ESR2: variants seen among roughly 807,000 people sequenced by gnomAD.
ESR2 encodes estrogen receptor beta.
ESR2 carries 36 observed loss-of-function variants against 49.6 expected under a neutral mutation model. The observed-to-expected ratio is 0.73, with a 90% CI of 0.56 to 0.96. The LOEUF is 0.96. Ranked by LOEUF, ESR2 falls within the 40% of genes least tolerant of loss-of-function variation. ESR2 has a pLI of 0.00. For synonymous variants in ESR2, 320 were observed against 266.1 expected (o/e 1.20, Z -1.97); for missense variants, 714 against 693.0 (o/e 1.03, Z -0.34).
At chr14:64,304,661 G>C (rs1463567902) in intron 1 of ESR2, among the ~76,000 whole-genome samples, 1 of 152,110 alleles carries the variant, frequency 6.6e-6, no homozygotes, top group Non-Finnish European at 1.5e-5. Context: ...TTGAAGTCAG[G>C]AGTTTGAGAT....
At chr14:64,292,939 T>C (rs1002174229) in intron 1 of ESR2, among the ~76,000 whole-genome samples, 3 of 152,188 alleles carry the variant, frequency 2.0e-5, no homozygotes, top group Non-Finnish European at 4.4e-5. Context: ...TTCTATGTCT[T>C]GAGCAAGACT....
At position 64,260,289 on chromosome 14, in the gene ESR2, AG is replaced by A. The variant is rs1356233205; in HGVS notation, c.952+159del. On this transcript the variant is annotated intron_variant, in intron 5 of 8. Transcript: ENST00000341099. The stretch of plus-strand genomic sequence containing the variant: ...TTGAAGGTAGGTATGCCAAGACAGA[AG>A]GAAGGAACATATTGCACTTAAAAGT... 3 of 811,068 alleles carry A rather than the reference AG, an allele frequency of 3.7e-6. No individual in the cohort carries two copies. In the East Asian group the frequency reaches 7.3e-5, roughly 20 times the overall value. 50.2% of individuals were successfully genotyped at this position (811,068 alleles called of 1,614,324 possible). A position where few individuals can be genotyped will look rare whatever the true frequency, so the allele number is the denominator to read the frequency against.
At position 64,282,842 on chromosome 14, in the gene ESR2, G is replaced by C. The variant is rs745470989; in HGVS notation, c.144C>G (p.Phe48Leu). The change falls in exon 2 of 9, where the codon TTC (phenylalanine) becomes TTG (leucine). Residue 48 changes from phenylalanine (F) to leucine (L), a missense_variant. Physicochemically the swap from Phe to Leu is conservative, Grantham distance 22 (BLOSUM62 0). Coordinates refer to ENST00000341099, the MANE Select transcript of ESR2 (RefSeq NM_001437.3). ...TGTAATTCATCACAGCAGGGCTATA[G>C]AATGTCATGGCTGGATATTCATGGT... ...DSHHEYPAMT[F>L]YSPAVMNYSI... 8 of 1,614,088 alleles carry C rather than the reference G, an allele frequency of 5.0e-6. No homozygotes were observed. Among genetic ancestry groups the C allele is most frequent in the Non-Finnish European group, 6.8e-6 (8 of 1,180,034 alleles).
chr14:64,260,119 A>T, intron 5 of ESR2: 1 of 531,274 alleles, frequency 1.9e-6, no homozygotes, highest in South Asian at 1.5e-5. Flanking sequence ...GGGTTTGTGC[A>T]AGGTGGTATG....
intron 4 of ESR2, among the ~76,000 whole-genome samples, chr14:64,263,020 C>T (rs2076252656): frequency 1.3e-5 from 2 of 152,070 alleles, no homozygotes; most frequent in Admixed American, 6.5e-5. Context: ...GTAGAAAATA[C>T]ATAATAAAAT....
chr14:64,269,028 T>G (rs970159146), intron 3 of ESR2, 117 bp from the exon 4 acceptor site: 1 of 691,420 alleles, frequency 1.4e-6, no homozygotes, highest in East Asian at 2.5e-5. Flanking sequence ...ATCTTCTTAA[T>G]GACCAGTACA....
intron 1 of ESR2, among the ~76,000 whole-genome samples, chr14:64,306,617 C>A (rs1439220628): frequency 6.6e-6 from 1 of 152,134 alleles, no homozygotes; most frequent in African/African-American, 2.4e-5. Context: ...GACTTATATG[C>A]CTGAAATAAA....
intron 1 of ESR2, 74 bp from the exon 2 acceptor site, chr14:64,283,149 TA>T: frequency 1.7e-6 from 1 of 588,100 alleles, no homozygotes; most frequent in Non-Finnish European, 2.8e-6. Flanking sequence ...ATATTTTCAT[TA>T]AAAAAATACA....
chr14:64,325,607 A>G (rs1328789484), intron 1 of ESR2, among the ~76,000 whole-genome samples: 2 of 152,088 alleles, frequency 1.3e-5, no homozygotes, highest in East Asian at 3.9e-4. Context: ...ATTACAGTTG[A>G]CCCTTGAAGA....
intron 7 of ESR2, among the ~76,000 whole-genome samples, chr14:64,236,661 G>T (rs2075607143): frequency 6.6e-6 from 1 of 151,890 alleles, no homozygotes; most frequent in South Asian, 2.1e-4. Context: ...CTTGCTGCTT[G>T]GAAACTCTCT....
rs188679631 is a variant in ESR2, at chr14:64,236,090, G to A, written c.1226-940C>T. 9.9e-3 allele frequency among the ~76,000 whole-genome samples: 1,514 copies of A among 152,316 alleles called. 7 individuals carry two copies. Among genetic ancestry groups the A allele is most frequent in the Non-Finnish European group, 0.017 (1,128 of 68,036 alleles). On this transcript the variant is annotated intron_variant, in intron 7 of 8. Coordinates refer to ENST00000341099, the MANE Select transcript of ESR2 (RefSeq NM_001437.3). Reference sequence around the variant, plus strand: ...GATGGCTGGTGCTCCAGCAACCACAGAATTTGTTTTGGCAGTTTTTGTTCT... The same window carrying A: ...GATGGCTGGTGCTCCAGCAACCACAAAATTTGTTTTGGCAGTTTTTGTTCT...
Position 64,235,757 on chromosome 14 carries a change from G to C in ESR2, c.1226-607C>G, listed in dbSNP as rs979909697. 3.3e-5 allele frequency among the ~76,000 whole-genome samples: 5 copies of C among 152,172 alleles called. No homozygotes were observed. The East Asian group carries it at 9.6e-4, about 29-fold the overall frequency. On this transcript the variant is annotated intron_variant, in intron 7 of 8. Coordinates refer to ENST00000341099, the MANE Select transcript of ESR2 (RefSeq NM_001437.3). ...ACCATCTGGAGCTCTCTGAGCCTCA[G>C]TTCCTCACTGAGCAACGCATGCAGG...
At chr14:64,321,693 G>C (rs2077326149) in intron 1 of ESR2, among the ~76,000 whole-genome samples, 1 of 152,156 alleles carries the variant, frequency 6.6e-6, no homozygotes, top group Non-Finnish European at 1.5e-5. Context: ...GAAAAGCCCA[G>C]TGGTCAACAG....
In ESR2 at chr14:64,322,750, C is replaced by T. The variant is rs147319388; in HGVS notation, c.-91+15148G>A. ...ACAATGGCTATTAGAATTTAAAATA[C>T]GCACTGTGACCCTATCAGCTCATAT... On this transcript the variant is annotated intron_variant, in intron 1 of 8. Transcript: ENST00000358599. 2.6e-3 allele frequency among the ~76,000 whole-genome samples: 391 copies of T among 152,218 alleles called. 4 individuals carry two copies. Among genetic ancestry groups the T allele is most frequent in the Middle Eastern group, 0.017 (5 of 294 alleles).
chr14:64,316,411 C>T (rs1277865243), intron 1 of ESR2, among the ~76,000 whole-genome samples: 2 of 152,158 alleles, frequency 1.3e-5, no homozygotes, highest in Non-Finnish European at 1.5e-5. Context: ...TAACACTAAT[C>T]CTACACAATA....
At chr14:64,324,510 T>C (rs893335916) in intron 1 of ESR2, among the ~76,000 whole-genome samples, 4 of 152,188 alleles carry the variant, frequency 2.6e-5, no homozygotes, top group Non-Finnish European at 5.9e-5. Flanking sequence ...GGAAAGTCTT[T>C]TTTCATAGTC....
intron 1 of ESR2, among the ~76,000 whole-genome samples, chr14:64,319,648 T>C (rs916724989): frequency 6.6e-6 from 1 of 152,140 alleles, no homozygotes; most frequent in Non-Finnish European, 1.5e-5. Context: ...AAAGAAGATA[T>C]ACAGATGGCA....
rs541441479 is a variant in ESR2 at position 64,242,278 on chromosome 14, C to T, written c.1226-7128G>A. Among the ~76,000 whole-genome samples the T allele has an allele frequency of 4.6e-5, 7 of 151,962 alleles. No homozygotes were observed. The South Asian group carries it at 1.5e-3, about 32-fold the overall frequency. ...CACAAAAATTAGCTAGGCATGGTGG[C>T]AGGCACCTATAATCCCAGCTACTCA... On this transcript the variant is annotated intron_variant, in intron 7 of 8. Coordinates refer to ENST00000341099, the MANE Select transcript of ESR2 (RefSeq NM_001437.3).
At chr14:64,247,018 C>T (rs2075874721) in intron 7 of ESR2, among the ~76,000 whole-genome samples, 1 of 152,116 alleles carries the variant, frequency 6.6e-6, no homozygotes. Context: ...TCACCCAGTT[C>T]TTCAGGGGCT....
Sources: allele counts gnomAD v4.1 joint callset (sites outside exome capture counted in the v4.1 genomes callset), GRCh38; gene constraint gnomAD v4.1.1; transcripts MANE v1.5; gene names NCBI Gene and HGNC (gene_info 2026-07-23, HGNC 2026-07-21).